The following FAM53B variants were observed in gnomAD, a reference collection of about 807,000 sequenced individuals.
The protein encoded by FAM53B is protein FAM53B.
Under a neutral mutation model 32.7 loss-of-function variants are expected in FAM53B, and 12 were observed. That is an observed-to-expected ratio of 0.37 (90% CI 0.24 to 0.59). FAM53B has a LOEUF of 0.59. Among genes scored for constraint, FAM53B ranks in the 20% least tolerant of loss-of-function variants. The pLI, the probability that FAM53B is intolerant of heterozygous loss-of-function variation, is 0.72. For missense variants in FAM53B, 477 were observed against 577.7 expected (o/e 0.83, Z 1.79); for synonymous variants, 234 against 228.7 (o/e 1.02, Z -0.21).
intron 3 of FAM53B, among the ~76,000 whole-genome samples, chr10:124,691,452 A>G (rs1949831970): frequency 2.0e-5 from 3 of 152,350 alleles, no homozygotes; most frequent in South Asian, 4.1e-4. Context: ...ATTTATTACC[A>G]TAACTCCTAA....
chr10:124,715,571 C>T (rs1229157283), intron 1 of FAM53B, among the ~76,000 whole-genome samples: 1 of 152,202 alleles, frequency 6.6e-6, no homozygotes, highest in African/African-American at 2.4e-5. Flanking sequence ...CCCCCCTCCA[C>T]GTGTGCAGCC....
At chr10:124,702,965 C>T (rs917532143) in intron 2 of FAM53B, among the ~76,000 whole-genome samples, 19 of 152,104 alleles carry the variant, frequency 1.2e-4, no homozygotes, top group Non-Finnish European at 1.5e-4. Flanking sequence ...TCTCTCACCT[C>T]GTGACACACT....
At chr10:124,679,691 G>A (rs116852075) in intron 4 of FAM53B, among the ~76,000 whole-genome samples, 1,561 of 152,338 alleles carry the variant, frequency 0.01, 5 homozygotes, top group Non-Finnish European at 0.017. Flanking sequence ...CCAAGCAGGC[G>A]GCCAAGGACA....
intron 4 of FAM53B, among the ~76,000 whole-genome samples, chr10:124,675,808 G>A (rs763229915): frequency 3.9e-5 from 6 of 152,250 alleles, no homozygotes; most frequent in Non-Finnish European, 8.8e-5. Flanking sequence ...CCCACCTTCC[G>A]AGGTGCCTCA....
rs538923686 is a variant in FAM53B at position 124,724,048 on chromosome 10, C to G, written c.-174-17161G>C. Among the ~76,000 whole-genome samples, 4 of 152,278 alleles carry G rather than the reference C, an allele frequency of 2.6e-5. No homozygotes were observed. The South Asian group carries it at 6.2e-4, about 24-fold the overall frequency. ...AAGGCAGGTGATACATAACTAAGTT[C>G]ACGCAAACAGCAAGTGTTCAATTAG... On this transcript the variant is annotated intron_variant, in intron 1 of 4. Coordinates refer to ENST00000337318, the MANE Select transcript of FAM53B (RefSeq NM_014661.4).
At chr10:124,688,684 G>C (rs980937788) in intron 3 of FAM53B, among the ~76,000 whole-genome samples, 2 of 152,194 alleles carry the variant, frequency 1.3e-5, no homozygotes, top group Admixed American at 6.5e-5. Flanking sequence ...CAAGGCTCTG[G>C]TCCTGCCACC....
intron 2 of FAM53B, among the ~76,000 whole-genome samples, chr10:124,697,760 G>A (rs921537916): frequency 2.0e-5 from 3 of 152,186 alleles, no homozygotes; most frequent in African/African-American, 2.4e-5. Context: ...GAAGGGGAAC[G>A]GGGCAGTCCT....
intron 1 of FAM53B, among the ~76,000 whole-genome samples, chr10:124,734,121 G>A (rs1211015103): frequency 1.3e-5 from 2 of 152,236 alleles, no homozygotes; most frequent in Non-Finnish European, 2.9e-5. Context: ...GACTTCCAGA[G>A]GACGGTGTAA....
chr10:124,688,427 G>A (rs570445042), intron 3 of FAM53B, among the ~76,000 whole-genome samples: 3 of 152,356 alleles, frequency 2.0e-5, no homozygotes, highest in South Asian at 2.1e-4. Flanking sequence ...ACACGAGAGC[G>A]TGTGCATTTG....
intron 2 of FAM53B, among the ~76,000 whole-genome samples, chr10:124,699,487 G>A (rs756962526): frequency 1.2e-4 from 19 of 152,234 alleles, no homozygotes; most frequent in Non-Finnish European, 2.1e-4. Flanking sequence ...CTCTACCTAA[G>A]GGTTCCCATG....
intron 4 of FAM53B, among the ~76,000 whole-genome samples, chr10:124,655,561 C>T (rs1421884961): frequency 6.6e-6 from 1 of 152,256 alleles, no homozygotes; most frequent in African/African-American, 2.4e-5. Flanking sequence ...TTGGGGTGAG[C>T]GTGGCCACTC....
intron 4 of FAM53B, among the ~76,000 whole-genome samples, chr10:124,666,867 C>T (rs937547451): frequency 6.6e-6 from 1 of 152,206 alleles, no homozygotes; most frequent in African/African-American, 2.4e-5. Context: ...CTCTGGTCCT[C>T]AGGTCTCCTG....
intron 2 of FAM53B, among the ~76,000 whole-genome samples, chr10:124,704,814 G>A (rs1949940779): frequency 6.6e-6 from 1 of 152,234 alleles, no homozygotes; most frequent in Non-Finnish European, 1.5e-5. Flanking sequence ...TGGCTGCTGG[G>A]TGGAGAACAG....
intron 4 of FAM53B, among the ~76,000 whole-genome samples, chr10:124,660,439 G>A (rs539563450): frequency 2.0e-4 from 31 of 152,286 alleles, no homozygotes; most frequent in East Asian, 7.7e-4. Context: ...ACTGAGATCC[G>A]TTGAATACAA....
intron 3 of FAM53B, among the ~76,000 whole-genome samples, chr10:124,686,385 G>C (rs1309024901): frequency 6.6e-6 from 1 of 152,230 alleles, no homozygotes; most frequent in Non-Finnish European, 1.5e-5. Flanking sequence ...GATTCGAAGA[G>C]TCAGTTTTTA....
rs1949302144 is a variant in FAM53B, at chr10:124,620,406, C to A, written c.*2836G>T. Reference sequence around the variant, plus strand: ...GCAGGCTTAGCCCGCGCTTTAGGACCCCATGAGCAGGCAGATGGCCTGGCA... The same window carrying A: ...GCAGGCTTAGCCCGCGCTTTAGGACACCATGAGCAGGCAGATGGCCTGGCA... On this transcript the variant is annotated 3_prime_UTR_variant, in exon 5 of 5. Coordinates refer to ENST00000337318, the MANE Select transcript of FAM53B (RefSeq NM_014661.4). The A allele has an allele frequency of 6.7e-6, 1 of 148,474 alleles. No individual in the cohort carries two copies. Among genetic ancestry groups the A allele is most frequent in the Non-Finnish European group, 1.5e-5 (1 of 67,420 alleles). 9.2% of individuals were successfully genotyped at this position (148,474 alleles called of 1,614,324 possible). A position where few individuals can be genotyped will look rare whatever the true frequency, so the allele number is the denominator to read the frequency against.
At chr10:124,629,190 G>A (rs1589730043) in intron 4 of FAM53B, among the ~76,000 whole-genome samples, 1 of 152,186 alleles carries the variant, frequency 6.6e-6, no homozygotes, top group African/African-American at 2.4e-5. Flanking sequence ...GGCATGTGCT[G>A]GGGAGGGGTG....
intron 4 of FAM53B, among the ~76,000 whole-genome samples, chr10:124,640,819 C>T (rs1949465736): frequency 6.6e-6 from 1 of 152,094 alleles, no homozygotes; most frequent in Admixed American, 6.5e-5. Flanking sequence ...CAATACAGCC[C>T]CGAGCGCAGG....
chr10:124,657,876 G>A (rs1949604145), intron 4 of FAM53B, among the ~76,000 whole-genome samples: 1 of 152,222 alleles, frequency 6.6e-6, no homozygotes, highest in Non-Finnish European at 1.5e-5. Flanking sequence ...GCCGCAACCA[G>A]CTCCATCTGC....
Sources: allele counts gnomAD v4.1 joint callset (sites outside exome capture counted in the v4.1 genomes callset), GRCh38; gene constraint gnomAD v4.1.1; transcripts MANE v1.5; gene names NCBI Gene and HGNC (gene_info 2026-07-23, HGNC 2026-07-21).